SARDH: variants seen among roughly 807,000 people sequenced by gnomAD.
SARDH encodes the protein sarcosine dehydrogenase, mitochondrial.
A neutral mutation model predicts 109.1 loss-of-function variants in SARDH; 95 were observed. The observed-to-expected ratio is 0.87, with a 90% CI of 0.74 to 1.03. SARDH has a LOEUF of 1.03. SARDH is among the 50% of genes least tolerant of loss of function. SARDH has a pLI of 0.00. For synonymous variants in SARDH, 572 were observed against 534.8 expected (o/e 1.07, Z -0.96); for missense variants, 1,267 against 1,287.8 (o/e 0.98, Z 0.25).
chr9:133,683,783 A>G (rs1830782537), intron 17 of SARDH, among the ~76,000 whole-genome samples: 1 of 152,182 alleles, frequency 6.6e-6, no homozygotes, highest in Admixed American at 6.5e-5. Context: ...GTCCCTCTGC[A>G]GGCCAGGACC....
intron 4 of SARDH, 49 bp downstream of exon 4, chr9:133,731,253 CAGG>C: frequency 1.3e-6 from 2 of 1,598,826 alleles, no homozygotes; most frequent in Non-Finnish European, 1.7e-6. Context: ...GGTTCTAAGG[CAGG>C]AGGAGTGGGC....
intron 20 of SARDH, among the ~76,000 whole-genome samples, chr9:133,664,812 TGTGCAC>T (rs1385639773): frequency 6.6e-6 from 1 of 152,214 alleles, no homozygotes; most frequent in African/African-American, 2.4e-5. Flanking sequence ...CTGAGCCATG[TGTGCAC>T]CTGCAGGGCT....
chr9:133,694,794 G>A (rs1276130137), intron 14 of SARDH, among the ~76,000 whole-genome samples: 3 of 152,212 alleles, frequency 2.0e-5, no homozygotes, highest in African/African-American at 7.2e-5. Context: ...TTTGTGGATG[G>A]AGGATGGATG....
rs949320425 is a variant in SARDH, at chr9:133,728,188, G to A, written c.915+1577C>T. On this transcript the variant is annotated intron_variant, in intron 6 of 20. Transcript: ENST00000439388. The surrounding 1 kb of genome is among the most constrained non-coding windows in gnomAD (Gnocchi z 5.0). ...CAAGAGGTCTTGTGTCCAGTGGGGCGTGGCTTGCCCAGCGCACAGGAGTCA... is the reference window on the plus strand; with the variant it reads ...CAAGAGGTCTTGTGTCCAGTGGGGCATGGCTTGCCCAGCGCACAGGAGTCA... Among the ~76,000 whole-genome samples, 1 of 152,294 alleles carries A rather than the reference G, an allele frequency of 6.6e-6. No individual in the cohort carries two copies. The highest frequency in any genetic ancestry group is 2.1e-4 in the South Asian group (1 of 4,826).
intron 17 of SARDH, among the ~76,000 whole-genome samples, chr9:133,678,615 G>T (rs1403959754): frequency 6.6e-6 from 1 of 152,196 alleles, no homozygotes; most frequent in East Asian, 1.9e-4. Flanking sequence ...ATGCCTGGGA[G>T]TGAGAAGCAC....
chr9:133,687,827 A>G (rs964278338), intron 16 of SARDH, among the ~76,000 whole-genome samples: 1 of 152,192 alleles, frequency 6.6e-6, no homozygotes, highest in Non-Finnish European at 1.5e-5. Flanking sequence ...TATCAGCAGC[A>G]CCAGTATTAT....
At chr9:133,711,265 G>A (rs746251420) in intron 10 of SARDH, among the ~76,000 whole-genome samples, 12 of 152,234 alleles carry the variant, frequency 7.9e-5, no homozygotes, top group Non-Finnish European at 1.6e-4. Flanking sequence ...ACAGAACCCT[G>A]GTTGGTGGGT....
At chr9:133,662,753 C>T (rs541165544), downstream of SARDH, among the ~76,000 whole-genome samples, 3 of 152,190 alleles carry the variant, frequency 2.0e-5, no homozygotes, top group Admixed American at 6.5e-5. The surrounding 1 kb of genome is among the most constrained non-coding windows in gnomAD (Gnocchi z 5.1). Flanking sequence ...CCCGGCTCCA[C>T]GATACCCTCA....
rs1238705316 is a variant in SARDH, at chr9:133,670,644, G to C, written c.2435C>G (p.Ala812Gly). ...GCCTGCGGCCCGCTGCTGCTCCAGG[G>C]CCTCCCTCCCCAGGAAGGGCACCGG... The part of the protein sequence containing the change: ...KSPVPFLGRE[A>G]LEQQRAAGLR... Residue 812 changes from alanine (A) to glycine (G), a missense_variant, in exon 19 of 21, where the codon GCC becomes GGC. Ala to Gly is a moderately conservative substitution (Grantham distance 60). Coordinates refer to ENST00000439388, the MANE Select transcript of SARDH (RefSeq NM_001134707.2). The C allele has an allele frequency of 1.3e-6, 2 of 1,588,426 alleles. No homozygotes were observed. The highest frequency in any genetic ancestry group is 2.3e-5 in the South Asian group (2 of 87,286).
At chr9:133,731,239 T>C in intron 4 of SARDH, 66 bp downstream of exon 4, 1 of 1,578,274 alleles carries the variant, frequency 6.3e-7, no homozygotes, top group Non-Finnish European at 8.6e-7. Context: ...CCTTCTGCTC[T>C]CAGGGTTCTA....
At chr9:133,710,357 G>A (rs747194602) in intron 10 of SARDH, among the ~76,000 whole-genome samples, 4 of 152,212 alleles carry the variant, frequency 2.6e-5, no homozygotes, top group Non-Finnish European at 5.9e-5. Context: ...GAACTCACGC[G>A]CAGGGCGGCT....
chr9:133,663,505 C>T, downstream of SARDH: 1 of 259,046 alleles, frequency 3.9e-6, no homozygotes. Context: ...CCCAGGGAAG[C>T]CCGCCACCGA....
At chr9:133,716,026 T>G (rs1271475324) in intron 8 of SARDH, among the ~76,000 whole-genome samples, 2 of 152,250 alleles carry the variant, frequency 1.3e-5, no homozygotes, top group Admixed American at 6.5e-5. Flanking sequence ...GTGATTCTGC[T>G]GGAACCCCAA....
At chr9:133,731,600 A>G in intron 3 of SARDH, 116 bp from the exon 4 acceptor site, 1 of 1,057,310 alleles carries the variant, frequency 9.5e-7, no homozygotes, top group Non-Finnish European at 1.4e-6. Flanking sequence ...CAGAAGCCTT[A>G]GCCGGTCCCC....
intron 8 of SARDH, among the ~76,000 whole-genome samples, chr9:133,713,952 G>A (rs1355934718): frequency 2.0e-5 from 3 of 152,376 alleles, no homozygotes; most frequent in East Asian, 1.9e-4. Flanking sequence ...AGGAGCTGAC[G>A]GAGGGAGGGA....
At position 133,709,619 on chromosome 9, in the gene SARDH, G is replaced by T. The variant is rs958839720; in HGVS notation, c.1329-1191C>A. On this transcript the variant is annotated intron_variant, in intron 10 of 20. Coordinates refer to ENST00000439388, the MANE Select transcript of SARDH (RefSeq NM_001134707.2). This position sits in a 1 kb window ranked among gnomAD's most constrained non-coding sequence, Gnocchi z 4.2. ...AAGCAGAATTTTCTGATCTGGATGG[G>T]TGGGGAGTAGAGGTGCAGACGTGAG... 6.6e-6 allele frequency among the ~76,000 whole-genome samples: 1 copy of T among 152,130 alleles called. No individual in the cohort carries two copies. The highest frequency in any genetic ancestry group is 2.4e-5 in the African/African-American group (1 of 41,412).
intron 1 of SARDH, among the ~76,000 whole-genome samples, chr9:133,737,999 CA>C: frequency 6.6e-6 from 1 of 152,198 alleles, no homozygotes; most frequent in Non-Finnish European, 1.5e-5. Context: ...CTCCCAGGCT[CA>C]GGGGGTGGTG....
chr9:133,694,387 G>A lies in SARDH; in HGVS notation c.1808-16C>T. On this transcript the variant is annotated splice_polypyrimidine_tract_variant and intron_variant, in intron 14 of 20. Coordinates refer to ENST00000439388, the MANE Select transcript of SARDH (RefSeq NM_001134707.2). The stretch of plus-strand genomic sequence containing the variant: ...ACGGTGGAGCCTGCGAGAGGGAGAA[G>A]GAAGCCGGGTCTGTGCTGAGGCCCC... 6.5e-7 allele frequency: 1 copy of A among 1,545,702 alleles called. No individual in the cohort carries two copies. Among genetic ancestry groups the A allele is most frequent in the African/African-American group, 1.4e-5 (1 of 73,074 alleles).
chr9:133,702,272 C>A (rs963098412), intron 13 of SARDH, among the ~76,000 whole-genome samples: 5 of 152,214 alleles, frequency 3.3e-5, no homozygotes, highest in Non-Finnish European at 5.9e-5. Context: ...CAGGCTGCTG[C>A]GGGGGAGAAG....
Sources: allele counts gnomAD v4.1 joint callset (sites outside exome capture counted in the v4.1 genomes callset), GRCh38; gene constraint gnomAD v4.1.1; non-coding constraint Gnocchi (gnomAD v3.1); transcripts MANE v1.5; gene names NCBI Gene and HGNC (gene_info 2026-07-23, HGNC 2026-07-21).